ANK2: variants seen among roughly 807,000 people sequenced by gnomAD.
ANK2 encodes ankyrin-2.
ANK2 carries 83 observed loss-of-function variants against 360.5 expected under a neutral mutation model. The ratio of observed to expected loss-of-function variants is 0.23; its 90% CI spans 0.19 to 0.28. The LOEUF is 0.28. ANK2 is among the 10% of genes least tolerant of loss of function. ANK2 has a pLI of 1.00. For missense variants in ANK2, 4,201 were observed against 4,795.7 expected, an observed-to-expected ratio of 0.88 and a Z score of 3.66; for synonymous variants, 1,740 against 1,759.5, an observed-to-expected ratio of 0.99 and a Z score of 0.28.
chr4:113,367,555 T>C lies in ANK2; in HGVS notation c.11033-11T>C. 1 of 1,613,658 alleles carries C rather than the reference T, an allele frequency of 6.2e-7. No individual in the cohort carries two copies. The highest frequency in any genetic ancestry group is 8.5e-7 in the Non-Finnish European group (1 of 1,179,806). On this transcript the variant is annotated splice_polypyrimidine_tract_variant and intron_variant, in intron 41 of 45. Transcript: ENST00000357077. ...AGCTTCAACTAAATACTTAAATCAT[T>C]CTGCCTTTAGGGTTCTCGGTACTTC...
At chr4:113,064,829 TCTGTA>T (rs1333167026) in intron 1 of ANK2, among the ~76,000 whole-genome samples, 1,767 of 7,338 alleles carry the variant, frequency 0.24, 133 homozygotes, top group Middle Eastern at 0.5. Context: ...GTTAGAAAGT[TCTGTA>T]GAACTTCTAA....
chr4:113,133,673 ATAGT>A (rs2096215163), intron 1 of ANK2, among the ~76,000 whole-genome samples: 2 of 152,234 alleles, frequency 1.3e-5, no homozygotes, highest in Non-Finnish European at 2.9e-5. Flanking sequence ...AAAAATAATC[ATAGT>A]TAGCTTGCTG....
At chr4:113,159,190 T>TA (rs1203400888) in intron 1 of ANK2, among the ~76,000 whole-genome samples, 17 of 62,606 alleles carry the variant, frequency 2.7e-4, no homozygotes, top group South Asian at 1.9e-3. Flanking sequence ...TCTCTTTCCT[T>TA]CCACACACAC....
At chr4:113,334,592 GATTA>G (rs1212293464) in intron 29 of ANK2, among the ~76,000 whole-genome samples, 6 of 141,408 alleles carry the variant, frequency 4.2e-5, no homozygotes, top group Non-Finnish European at 6.0e-5. Flanking sequence ...AAAGTTAATA[GATTA>G]ATTAATCTAT....
intron 1 of ANK2, among the ~76,000 whole-genome samples, chr4:112,826,055 A>G (rs1032536681): frequency 3.3e-5 from 5 of 152,204 alleles, no homozygotes; most frequent in Non-Finnish European, 5.9e-5. Context: ...CAAATGCCAA[A>G]GTGCCATATT....
At chr4:113,174,782 G>A (rs2098130284) in intron 2 of ANK2, among the ~76,000 whole-genome samples, 1 of 152,050 alleles carries the variant, frequency 6.6e-6, no homozygotes, top group South Asian at 2.1e-4. Flanking sequence ...CCTTTAGCTG[G>A]AATTTTGACC....
At chr4:112,957,850 C>T (rs1349366428) in intron 2 of ANK2, among the ~76,000 whole-genome samples, 5 of 149,340 alleles carry the variant, frequency 3.3e-5, no homozygotes, top group African/African-American at 1.3e-4. Flanking sequence ...GGGCGGTTGC[C>T]AGGCAGAGGG....
rs760244706 is a variant in ANK2 at position 113,346,066 on chromosome 4, T to C, written c.4371+44T>C. The C allele has an allele frequency of 5.0e-6, 8 of 1,609,480 alleles. No homozygotes were observed. In the South Asian group the frequency reaches 7.7e-5, roughly 16 times the overall value. On this transcript the variant is annotated intron_variant, in intron 35 of 45. Coordinates refer to ENST00000357077, the MANE Select transcript of ANK2 (RefSeq NM_001148.6). The stretch of plus-strand genomic sequence containing the variant: ...TAGTGCAATTCAGGTAGAGTAGGAA[T>C]TGATTTTTAAATCTTGTTTTAGGTC...
chr4:113,296,768 T>C (rs1459974340), intron 22 of ANK2, among the ~76,000 whole-genome samples: 1 of 152,162 alleles, frequency 6.6e-6, no homozygotes, highest in East Asian at 1.9e-4. Context: ...GAGACACATT[T>C]CTGGTGACAG....
chr4:112,861,755 A>G (rs971191210), intron 1 of ANK2, among the ~76,000 whole-genome samples: 1 of 152,132 alleles, frequency 6.6e-6, no homozygotes, highest in Non-Finnish European at 1.5e-5. Flanking sequence ...CAGTGTGACA[A>G]TGTTTTATAA....
At chr4:112,914,546 C>T (rs1047719494) in intron 2 of ANK2, among the ~76,000 whole-genome samples, 5 of 152,042 alleles carry the variant, frequency 3.3e-5, no homozygotes, top group African/African-American at 1.2e-4. Context: ...TCACTTGAAC[C>T]CAGAGGAGGA....
chr4:113,282,789 C>T lies in ANK2; in HGVS notation c.1996C>T (p.Leu666Phe). Residue 666 changes from leucine to phenylalanine, a missense_variant, in exon 18 of 46, where the codon CTC (leucine) becomes TTC (phenylalanine). Physicochemically the swap from Leu to Phe is conservative, Grantham distance 22 (BLOSUM62 0). Coordinates refer to ENST00000357077, the MANE Select transcript of ANK2 (RefSeq NM_001148.6). The stretch of plus-strand genomic sequence containing the variant: ...TGTGACAAAGCAAGGAGTAACTCCA[C>T]TCCATCTGGCCTCGCAGGAGGGGCA... ...NIVTKQGVTP[L>F]HLASQEGHTD... The T allele has an allele frequency of 6.2e-7, 1 of 1,614,056 alleles. No individual in the cohort carries two copies. The highest frequency in any genetic ancestry group is 1.3e-5 in the African/African-American group (1 of 75,040).
Position 113,343,158 on chromosome 4 carries a change from A to T in ANK2, c.4248+16A>T, listed in dbSNP as rs2153983856. 1.2e-6 allele frequency: 2 copies of T among 1,611,974 alleles called. No homozygotes were observed. The highest frequency in any genetic ancestry group is 1.7e-6 in the Non-Finnish European group (2 of 1,178,878). On this transcript the variant is annotated intron_variant, in intron 34 of 45. Coordinates refer to ENST00000357077, the MANE Select transcript of ANK2 (RefSeq NM_001148.6). ...ATTTGTCAAGGTAATATATACATGG[A>T]ATTTTGTGATGCATTTTTTTCAAGA...
chr4:113,248,088 G>A (rs2044023554), intron 9 of ANK2, among the ~76,000 whole-genome samples: 1 of 152,066 alleles, frequency 6.6e-6, no homozygotes, highest in South Asian at 2.1e-4. Context: ...TAATTCTTAG[G>A]TACCCAAAAC....
Position 113,139,216 on chromosome 4 carries a change from A to G in ANK2, c.85-35200A>G, listed in dbSNP as rs148318595. ...TACCATGAACAGTCACACCTCTTCT[A>G]AGATTGTTGTTCCTGTGGGCACCAA... On this transcript the variant is annotated intron_variant, in intron 1 of 45. Transcript: ENST00000357077. Among the ~76,000 whole-genome samples the G allele has an allele frequency of 6.4e-3, 976 of 152,282 alleles. 5 individuals carry two copies. The highest frequency in any genetic ancestry group is 9.0e-3 in the Non-Finnish European group (611 of 68,018).
At chr4:112,854,234 T>C (rs2065769686) in intron 1 of ANK2, among the ~76,000 whole-genome samples, 1 of 152,114 alleles carries the variant, frequency 6.6e-6, no homozygotes, top group Non-Finnish European at 1.5e-5. Context: ...AGGAAGGACA[T>C]TGTGTAGATT....
intron 2 of ANK2, among the ~76,000 whole-genome samples, chr4:113,041,565 T>C (rs2062960683): frequency 6.6e-6 from 1 of 152,146 alleles, no homozygotes; most frequent in Non-Finnish European, 1.5e-5. Flanking sequence ...TTTTTAGCCA[T>C]ATCACCAGTA....
At chr4:112,711,611 G>T in the ANK2 span, among the ~76,000 whole-genome samples, 1 of 152,042 alleles carries the variant, frequency 6.6e-6, no homozygotes, top group Non-Finnish European at 1.5e-5. Flanking sequence ...GATGTCAGGA[G>T]TTCGAGACCA....
intron 22 of ANK2, among the ~76,000 whole-genome samples, chr4:113,293,746 ATCTATC>A (rs2069267658): frequency 6.6e-6 from 1 of 152,242 alleles, no homozygotes; most frequent in African/African-American, 2.4e-5. Flanking sequence ...TTTACTCAGC[ATCTATC>A]CCTATAAAAA....
Sources: allele counts gnomAD v4.1 joint callset (sites outside exome capture counted in the v4.1 genomes callset), GRCh38; gene constraint gnomAD v4.1.1; transcripts MANE v1.5; gene names NCBI Gene and HGNC (gene_info 2026-07-23, HGNC 2026-07-21).